SLX4IP: variants seen among roughly 807,000 people sequenced by gnomAD.
SLX4IP encodes the protein protein SLX4IP.
A neutral mutation model predicts 32.9 loss-of-function variants in SLX4IP; 34 were observed. The ratio of observed to expected loss-of-function variants is 1.03; its 90% confidence interval spans 0.79 to 1.38. The LOEUF (loss-of-function observed/expected upper bound fraction) is 1.38. Ranked by LOEUF, SLX4IP falls within the 40% of genes most tolerant of loss-of-function variation. The pLI is 0.00. For synonymous variants in SLX4IP, 172 were observed against 171.7 expected (o/e 1.00, Z -0.01); for missense variants, 444 against 479.0 (o/e 0.93, Z 0.68).
intron 1 of SLX4IP, among the ~76,000 whole-genome samples, chr20:10,452,675 A>AT (rs1162392283): frequency 0.017 from 1,156 of 67,990 alleles, 23 homozygotes; most frequent in South Asian, 0.052. Context: ...AAAAAAAAAA[A>AT]AAAAAATATA....
At chr20:10,621,475 A>G (rs529959457) in intron 7 of SLX4IP, 61 bp downstream of exon 7, 6 of 1,445,462 alleles carry the variant, frequency 4.2e-6, no homozygotes, top group African/African-American at 2.8e-5. Context: ...GATAGATAAC[A>G]TGAAGTCCAG....
At chr20:10,439,973 T>G (rs2122313957) in intron 1 of SLX4IP, among the ~76,000 whole-genome samples, 1 of 152,318 alleles carries the variant, frequency 6.6e-6, no homozygotes, top group Admixed American at 6.5e-5. Context: ...TGTGTTTATT[T>G]TAGTATTGAC....
intron 1 of SLX4IP, among the ~76,000 whole-genome samples, chr20:10,444,508 G>C (rs1444819198): frequency 6.6e-6 from 1 of 152,090 alleles, no homozygotes; most frequent in Non-Finnish European, 1.5e-5. Context: ...CTCCTGAGTA[G>C]CTGGGATTAC....
rs1020683756 is a variant in SLX4IP at position 10,554,358 on chromosome 20, C to T, written c.28-1873C>T. Among the ~76,000 whole-genome samples, 7 of 152,250 alleles carry T rather than the reference C, an allele frequency of 4.6e-5. No homozygotes were observed. In the South Asian group the frequency reaches 6.2e-4, roughly 14 times the overall value. On this transcript the variant is annotated intron_variant, in intron 2 of 7. Coordinates refer to ENST00000334534, the MANE Select transcript of SLX4IP (RefSeq NM_001009608.3). ...CTCTTGTTGTAGACTTTTGGGTTGT[C>T]TTCACGTTGGGTTATTATAAATAAA...
intron 2 of SLX4IP, among the ~76,000 whole-genome samples, chr20:10,511,032 TGACTTTA>T (rs2065803410): frequency 6.6e-6 from 1 of 152,194 alleles, no homozygotes; most frequent in Non-Finnish European, 1.5e-5. Context: ...GCTTCCCGGG[TGACTTTA>T]TCAGAGAACC....
intron 6 of SLX4IP, among the ~76,000 whole-genome samples, chr20:10,616,467 A>C (rs2067032811): frequency 6.6e-6 from 1 of 152,126 alleles, no homozygotes; most frequent in South Asian, 2.1e-4. Flanking sequence ...GGAAGCTTCC[A>C]TGGGTATATC....
intron 2 of SLX4IP, among the ~76,000 whole-genome samples, chr20:10,479,540 C>T (rs1331645178): frequency 6.6e-5 from 10 of 151,114 alleles, no homozygotes; most frequent in African/African-American, 1.2e-4. Flanking sequence ...TTTTAGTAGA[C>T]GGGATTTCAC....
chr20:10,621,928 C>G (rs543687614), intron 7 of SLX4IP, among the ~76,000 whole-genome samples: 20 of 152,266 alleles, frequency 1.3e-4, no homozygotes, highest in East Asian at 9.6e-4. Context: ...CATCTTTAGT[C>G]TCTAATTCTC....
At chr20:10,539,806 C>T (rs2066082927) in intron 2 of SLX4IP, among the ~76,000 whole-genome samples, 1 of 152,114 alleles carries the variant, frequency 6.6e-6, no homozygotes, top group Admixed American at 6.5e-5. Flanking sequence ...ACCCAGGCCC[C>T]ACCCCGAGAG....
intron 2 of SLX4IP, among the ~76,000 whole-genome samples, chr20:10,475,897 G>A (rs2065472003): frequency 6.6e-6 from 1 of 152,174 alleles, no homozygotes; most frequent in Non-Finnish European, 1.5e-5. Flanking sequence ...AGACTTTGCT[G>A]GAAAGTTTCT....
rs769433837 is a variant in SLX4IP, at chr20:10,458,263, G to A, written c.27+32G>A. On this transcript the variant is annotated intron_variant, in intron 2 of 7. Transcript: ENST00000334534. ...AATGTTTAATAGCTTTTTAAAAAGA[G>A]GCTAATCACTTTCTAATATAACTGA... is the stretch of plus-strand genomic sequence containing the variant. The A allele has an allele frequency of 3.9e-6, 6 of 1,541,044 alleles. No individual in the cohort carries two copies. The South Asian group carries it at 4.9e-5, about 13-fold the overall frequency.
chr20:10,539,092 T>G (rs2066076738), intron 2 of SLX4IP, among the ~76,000 whole-genome samples: 1 of 152,186 alleles, frequency 6.6e-6, no homozygotes, highest in African/African-American at 2.4e-5. Flanking sequence ...CCATAAAACT[T>G]TATTTCATAA....
At chr20:10,594,601 C>T (rs1210409049) in intron 4 of SLX4IP, among the ~76,000 whole-genome samples, 1 of 152,168 alleles carries the variant, frequency 6.6e-6, no homozygotes, top group African/African-American at 2.4e-5. Context: ...TATTTGCTCT[C>T]AGTGTCTTGG....
rs371824313 is a variant in SLX4IP, at chr20:10,531,782, A to T, written c.28-24449A>T. 9.8e-5 allele frequency among the ~76,000 whole-genome samples: 15 copies of T among 152,308 alleles called. 1 individual carries two copies. In the East Asian group the frequency reaches 2.7e-3, roughly 27 times the overall value. ...AGGTGAACTCTGAGTGAAAAGAGAG[A>T]GACACCTCCTAGCGTCTGGAGGAAG... On this transcript the variant is annotated intron_variant, in intron 2 of 7. Transcript: ENST00000334534.
chr20:10,477,604 A>G (rs1181540993), intron 2 of SLX4IP, among the ~76,000 whole-genome samples: 15 of 152,058 alleles, frequency 9.9e-5, no homozygotes, highest in Non-Finnish European at 2.9e-5. Context: ...CAGTTGTCAG[A>G]TGGACCTGAC....
At chr20:10,538,876 A>G (rs1384081542) in intron 2 of SLX4IP, among the ~76,000 whole-genome samples, 1 of 152,220 alleles carries the variant, frequency 6.6e-6, no homozygotes, top group Non-Finnish European at 1.5e-5. Flanking sequence ...CATTTCACCA[A>G]TAGGTGCTGA....
intron 7 of SLX4IP, among the ~76,000 whole-genome samples, chr20:10,622,050 C>T (rs917618121): frequency 1.3e-5 from 2 of 152,214 alleles, no homozygotes; most frequent in East Asian, 1.9e-4. Context: ...GCTATATCGA[C>T]ACTCTTTTGT....
chr20:10,451,883 G>A (rs1031931750), intron 1 of SLX4IP, among the ~76,000 whole-genome samples: 1 of 151,988 alleles, frequency 6.6e-6, no homozygotes, highest in African/African-American at 2.4e-5. Flanking sequence ...CAGGGGAATC[G>A]CTTGAATCCA....
Position 10,627,611 on chromosome 20 carries a change from C to A in SLX4IP, c.*4232C>A, listed in dbSNP as rs903050805. ...AGGGGACTTGAATGGATAAAATTAT[C>A]TTTAATTATCTAGAGCTACCCAGTA... On this transcript the variant is annotated 3_prime_UTR_variant, in exon 8 of 8. Transcript: ENST00000334534. The A allele has an allele frequency of 2.6e-5, 4 of 152,182 alleles. No homozygotes were observed. Among genetic ancestry groups the A allele is most frequent in the Non-Finnish European group, 5.9e-5 (4 of 68,038 alleles). The allele number at this position is 152,182 out of a possible 1,614,324, so 9.4% of individuals were successfully genotyped here. A position where few individuals can be genotyped will look rare whatever the true frequency, so the allele number is the denominator to read the frequency against.
Sources: allele counts gnomAD v4.1 joint callset (sites outside exome capture counted in the v4.1 genomes callset), GRCh38; gene constraint gnomAD v4.1.1; transcripts MANE v1.5; gene names NCBI Gene and HGNC (gene_info 2026-07-23, HGNC 2026-07-21).